NUP42: variants seen among roughly 807,000 people sequenced by gnomAD.
NUP42 encodes nucleoporin NUP42.
Under a neutral mutation model 35.9 loss-of-function variants are expected in NUP42, and 47 were observed. The ratio of observed to expected loss-of-function variants is 1.31; its 90% CI spans 1.04 to 1.67. The LOEUF is 1.67. Among genes scored for constraint, NUP42 ranks in the 40% most tolerant of loss-of-function variants. The pLI, the probability that NUP42 is intolerant of heterozygous loss-of-function variation, is 0.00. For synonymous variants in NUP42, 173 were observed against 173.3 expected (o/e 1.00, Z 0.01); for missense variants, 514 against 492.2 (o/e 1.04, Z -0.42).
chr7:23,194,073 G>A (rs1785919623), intron 3 of NUP42, among the ~76,000 whole-genome samples: 1 of 152,318 alleles, frequency 6.6e-6, no homozygotes, highest in East Asian at 1.9e-4. Context: ...GCCAGCAAGG[G>A]CCCTGGGTAG....
At position 23,200,792 on chromosome 7, in the gene NUP42, G is replaced by C. The variant is rs760438763; in HGVS notation, c.*47G>C. On this transcript the variant is annotated 3_prime_UTR_variant, in exon 7 of 7. Coordinates refer to ENST00000258742, the MANE Select transcript of NUP42 (RefSeq NM_007342.3). ...AAAGAATGATGTTTAAAATTGCTTT[G>C]AGTGATTCATACAGAGATGTATATA... 1.8e-5 allele frequency: 23 copies of C among 1,296,444 alleles called. No individual in the cohort carries two copies. The Admixed American group carries it at 5.1e-4, about 28-fold the overall frequency. 80.3% of individuals were successfully genotyped at this position (1,296,444 alleles called of 1,614,324 possible).
chr7:23,182,821 G>A (rs1440565369), intron 1 of NUP42, among the ~76,000 whole-genome samples: 1 of 150,490 alleles, frequency 6.6e-6, no homozygotes, highest in East Asian at 1.9e-4. Context: ...GGCTGAGACA[G>A]GAGAATCGCT....
In NUP42 at chr7:23,196,755, A is replaced by G. The variant is rs753281820; in HGVS notation, c.598A>G (p.Lys200Glu). 6.2e-7 allele frequency: 1 copy of G among 1,604,416 alleles called. No homozygotes were observed. The highest frequency in any genetic ancestry group is 2.2e-5 in the East Asian group (1 of 44,730). ...NELKSLNIST[K>E]VALLSDVKDG... is the part of the protein sequence containing the mutation. ...ACTGAAAAGTCTAAATATATCAACT[A>G]AAGTAGCTTTGGTGAGTATGGGAGA... The change falls in exon 5 of 7, where the codon AAA becomes GAA. Residue 200 changes from lysine to glutamate, a missense_variant. Coordinates refer to ENST00000258742, the MANE Select transcript of NUP42 (RefSeq NM_007342.3).
chr7:23,193,780 G>A (rs916885346), intron 3 of NUP42, among the ~76,000 whole-genome samples: 2 of 152,238 alleles, frequency 1.3e-5, no homozygotes, highest in Non-Finnish European at 2.9e-5. Context: ...GGTGGAGCAG[G>A]GGGTGGCGCT....
intron 3 of NUP42, among the ~76,000 whole-genome samples, chr7:23,189,079 G>C (rs1458810428): frequency 6.6e-6 from 1 of 152,190 alleles, no homozygotes; most frequent in Non-Finnish European, 1.5e-5. Flanking sequence ...GCCCAAGTGT[G>C]ATGAACAATC....
chr7:23,192,872 G>C (rs990068093), intron 3 of NUP42, among the ~76,000 whole-genome samples: 5 of 152,194 alleles, frequency 3.3e-5, no homozygotes, highest in Non-Finnish European at 5.9e-5. Context: ...GGAATTGGTG[G>C]GTTCTTGGTC....
At chr7:23,195,494 T>G (rs1344559911) in intron 3 of NUP42, 2 of 173,844 alleles carry the variant, frequency 1.2e-5, no homozygotes, top group African/African-American at 4.8e-5. Flanking sequence ...ATTTTCCTAG[T>G]GTACCATTTG....
intron 1 of NUP42, among the ~76,000 whole-genome samples, chr7:23,183,117 A>T (rs1196830029): frequency 6.6e-6 from 1 of 152,164 alleles, no homozygotes; most frequent in Non-Finnish European, 1.5e-5. Context: ...AAAGCTTTTT[A>T]TCTTCAAGGA....
At chr7:23,183,053 G>T (rs886793033) in intron 1 of NUP42, among the ~76,000 whole-genome samples, 3 of 152,176 alleles carry the variant, frequency 2.0e-5, no homozygotes, top group Non-Finnish European at 4.4e-5. Context: ...CGGGAGGTGA[G>T]GAAAGGAGAT....
Position 23,182,120 on chromosome 7 carries a change from G to A in NUP42, c.35G>A (p.Cys12Tyr), listed in dbSNP as rs776959322. ...AICQFFLQGRCRFGDRCWNEH... is the reference protein window; with the variant it reads ...AICQFFLQGRYRFGDRCWNEH... ...TGTCAATTCTTCCTTCAAGGCCGGTGCCGCTTTGGAGATCGGTGCTGGAAC... is the reference window on the plus strand; with the variant it reads ...TGTCAATTCTTCCTTCAAGGCCGGTACCGCTTTGGAGATCGGTGCTGGAAC... The change falls in exon 1 of 7, where the codon TGC becomes TAC. Residue 12 changes from cysteine to tyrosine, a missense_variant. Physicochemically the swap from Cys to Tyr is radical, Grantham distance 194 (BLOSUM62 -2). Transcript: ENST00000258742. 1 of 1,614,204 alleles carries A rather than the reference G, an allele frequency of 6.2e-7. No individual in the cohort carries two copies. The highest frequency in any genetic ancestry group is 1.1e-5 in the South Asian group (1 of 91,088).
intron 3 of NUP42, chr7:23,187,430 T>A: frequency 4.3e-6 from 1 of 232,848 alleles, no homozygotes. Flanking sequence ...TTGGAACCTC[T>A]TAGCTTCCTG....
At chr7:23,197,150 A>C (rs775355271) in intron 5 of NUP42, 1 of 1,195,232 alleles carries the variant, frequency 8.4e-7, no homozygotes, top group South Asian at 1.3e-5. Context: ...TGAAGAACAC[A>C]GTATGTTCCT....
At chr7:23,191,557 G>A (rs1583767834) in intron 3 of NUP42, among the ~76,000 whole-genome samples, 1 of 152,156 alleles carries the variant, frequency 6.6e-6, no homozygotes, top group East Asian at 1.9e-4. Flanking sequence ...AGGAATCCAG[G>A]GAAACATTTA....
chr7:23,188,007 ATTTTTAT>A (rs1267423243), intron 3 of NUP42: 1 of 1,019,756 alleles, frequency 9.8e-7, no homozygotes, highest in African/African-American at 1.9e-5. Flanking sequence ...TTTATTTTTT[ATTTTTAT>A]TTTTTTTTTT....
chr7:23,190,120 A>G (rs1018420569), intron 3 of NUP42, among the ~76,000 whole-genome samples: 4 of 152,214 alleles, frequency 2.6e-5, no homozygotes, highest in African/African-American at 4.8e-5. Context: ...GCTTGAGTCT[A>G]TGTTATAGTT....
At chr7:23,184,815 G>C (rs79058248) in intron 1 of NUP42, among the ~76,000 whole-genome samples, 3 of 152,040 alleles carry the variant, frequency 2.0e-5, no homozygotes, top group Non-Finnish European at 4.4e-5. Context: ...GACCAACCCC[G>C]GGCAATATGG....
Position 23,192,895 on chromosome 7 carries a change from A to G in NUP42, c.446-2944A>G, listed in dbSNP as rs1785852134. Among the ~76,000 whole-genome samples, 6 of 152,222 alleles carry G rather than the reference A, an allele frequency of 3.9e-5. No homozygotes were observed. The South Asian group carries it at 1.2e-3, about 31-fold the overall frequency. On this transcript the variant is annotated intron_variant, in intron 3 of 6. Coordinates refer to ENST00000258742, the MANE Select transcript of NUP42 (RefSeq NM_007342.3). ...TGGGTTCTTGGTCTCACTGACTTCA[A>G]GAATGAAGCCACGGACCCTCGCGGT...
At chr7:23,199,951 T>C (rs1205028053) in intron 6 of NUP42, among the ~76,000 whole-genome samples, 1 of 152,104 alleles carries the variant, frequency 6.6e-6, no homozygotes, top group African/African-American at 2.4e-5. Context: ...TCGATCAAGG[T>C]GAAAATGGGA....
chr7:23,196,537 A>T (rs920396873), intron 4 of NUP42, 143 bp from the exon 5 acceptor site: 2 of 605,524 alleles, frequency 3.3e-6, no homozygotes, highest in Non-Finnish European at 5.9e-6. Flanking sequence ...GGCCAAGTCA[A>T]TGCAAATTTT....
Sources: gnomAD v4.1 joint callset for allele counts (sites outside exome capture counted in the v4.1 genomes callset) on GRCh38, gnomAD v4.1.1 for gene constraint, MANE v1.5 for transcripts, NCBI Gene and HGNC (gene_info 2026-07-23, HGNC 2026-07-21) for gene names.